Variants in OR10J1 observed in about 807,000 individuals in gnomAD.
OR10J1 encodes the protein olfactory receptor 10J1.
For synonymous variants in OR10J1, 202 were observed against 143.8 expected (o/e 1.40, Z -2.89); for missense variants, 474 against 376.6 (o/e 1.26, Z -2.14).
chr1:159,428,225 AAAGAG>A, the OR10J1 span, among the ~76,000 whole-genome samples: 4 of 152,204 alleles, frequency 2.6e-5, no homozygotes, highest in African/African-American at 4.8e-5. Context: ...TCAGAACAGA[AAAGAG>A]AAAACTGTCA....
chr1:159,403,928 G>A, the OR10J1 span, among the ~76,000 whole-genome samples: 10 of 152,050 alleles, frequency 6.6e-5, no homozygotes, highest in Admixed American at 5.3e-4. Flanking sequence ...GTAATGTTCA[G>A]CCATAAAAAA....
the OR10J1 span, among the ~76,000 whole-genome samples, chr1:159,430,671 G>GTGCA: frequency 2.0e-4 from 30 of 149,688 alleles, no homozygotes; most frequent in Non-Finnish European, 4.0e-4. Context: ...GTGTGTGTGC[G>GTGCA]CGCGCGCACA....
At chr1:159,433,723 C>T (rs1222370785), upstream of OR10J1, among the ~76,000 whole-genome samples, 1 of 152,162 alleles carries the variant, frequency 6.6e-6, no homozygotes, top group Non-Finnish European at 1.5e-5. Context: ...AATCACTGTA[C>T]CCAAAACCTT....
At chr1:159,410,483 C>T in the OR10J1 span, among the ~76,000 whole-genome samples, 55 of 152,094 alleles carry the variant, frequency 3.6e-4, no homozygotes, top group Non-Finnish European at 6.3e-4. Context: ...AGTTTATTTT[C>T]GTAGAGGTGT....
upstream of OR10J1, among the ~76,000 whole-genome samples, chr1:159,437,030 G>C (rs1200035219): frequency 6.6e-6 from 1 of 152,188 alleles, no homozygotes; most frequent in African/African-American, 2.4e-5. Context: ...AGAATGAATG[G>C]ATGCAGATAA....
At chr1:159,434,427 C>A (rs573437822), upstream of OR10J1, among the ~76,000 whole-genome samples, 1 of 152,272 alleles carries the variant, frequency 6.6e-6, no homozygotes, top group Admixed American at 6.5e-5. Flanking sequence ...TATTATAATA[C>A]ACTCCTTTTC....
the OR10J1 span, among the ~76,000 whole-genome samples, chr1:159,423,802 T>C: frequency 5.3e-5 from 8 of 152,342 alleles, no homozygotes; most frequent in South Asian, 1.7e-3. Context: ...TTATAGATAC[T>C]GACGTCTGGG....
At chr1:159,399,406 T>TA in the OR10J1 span, among the ~76,000 whole-genome samples, 1 of 151,074 alleles carries the variant, frequency 6.6e-6, no homozygotes, top group Non-Finnish European at 1.5e-5. Context: ...CCGTCTCTAC[T>TA]AAAAAATACA....
the OR10J1 span, among the ~76,000 whole-genome samples, chr1:159,412,810 T>A: frequency 6.6e-6 from 1 of 151,272 alleles, no homozygotes; most frequent in Non-Finnish European, 1.5e-5. Flanking sequence ...CCAAAAGCAA[T>A]GGCAACAAAA....
At chr1:159,432,966 G>A (rs748848257), upstream of OR10J1, 33 of 431,834 alleles carry the variant, frequency 7.6e-5, no homozygotes, top group East Asian at 3.9e-4. Flanking sequence ...CACTATGGCC[G>A]TACTTCTTTC....
chr1:159,408,504 T>C, the OR10J1 span, among the ~76,000 whole-genome samples: 1 of 150,872 alleles, frequency 6.6e-6, no homozygotes, highest in Admixed American at 6.6e-5. Flanking sequence ...TTGGGAGATA[T>C]ACCTAATGCT....
the OR10J1 span, among the ~76,000 whole-genome samples, chr1:159,403,016 ACT>A: frequency 2.6e-5 from 4 of 151,954 alleles, no homozygotes; most frequent in Non-Finnish European, 5.9e-5. Context: ...AGGGGAAAAG[ACT>A]CTCTTCAATA....
the OR10J1 span, among the ~76,000 whole-genome samples, chr1:159,417,619 T>C: frequency 6.6e-6 from 1 of 152,174 alleles, no homozygotes; most frequent in Non-Finnish European, 1.5e-5. Context: ...TCTTTTTCTT[T>C]ATAATTAACC....
chr1:159,402,271 A>C, the OR10J1 span, among the ~76,000 whole-genome samples: 1 of 152,136 alleles, frequency 6.6e-6, no homozygotes, highest in Admixed American at 6.6e-5. Context: ...CAATCAGACA[A>C]GAGAAAGAAA....
the OR10J1 span, among the ~76,000 whole-genome samples, chr1:159,431,605 C>A: frequency 6.6e-6 from 1 of 152,142 alleles, no homozygotes; most frequent in Non-Finnish European, 1.5e-5. Flanking sequence ...TCTAGTCAAA[C>A]CAGTTAGGGG....
the OR10J1 span, among the ~76,000 whole-genome samples, chr1:159,427,120 A>G: frequency 6.6e-6 from 1 of 151,896 alleles, no homozygotes; most frequent in Admixed American, 6.6e-5. Flanking sequence ...GTTAAAGAAG[A>G]AACAAAAATA....
At chr1:159,400,961 GA>G in the OR10J1 span, among the ~76,000 whole-genome samples, 4,034 of 152,006 alleles carry the variant, frequency 0.027, 175 homozygotes, top group African/African-American at 0.092. Context: ...TGAATAATCA[GA>G]AATTTTGGAA....
the OR10J1 span, among the ~76,000 whole-genome samples, chr1:159,398,045 A>G: frequency 6.6e-6 from 1 of 152,196 alleles, no homozygotes; most frequent in Admixed American, 6.5e-5. Context: ...GTGGCTCAGA[A>G]AAGAGAAAGA....
the OR10J1 span, among the ~76,000 whole-genome samples, chr1:159,424,392 A>G: frequency 3.3e-5 from 5 of 150,196 alleles, no homozygotes; most frequent in South Asian, 2.1e-4. Context: ...ATATATGTGT[A>G]TACATGTACA....
Sources: allele counts gnomAD v4.1 joint callset (sites outside exome capture counted in the v4.1 genomes callset), GRCh38; gene constraint gnomAD v4.1.1; transcripts MANE v1.5; gene names NCBI Gene and HGNC (gene_info 2026-07-23, HGNC 2026-07-21).